Variants in WASF2 observed in about 807,000 individuals in gnomAD.
WASF2 encodes actin-binding protein WASF2.
Under a neutral mutation model 45.0 loss-of-function variants are expected in WASF2, and 14 were observed. The observed-to-expected ratio is 0.31, with a 90% confidence interval of 0.21 to 0.49. The LOEUF (loss-of-function observed/expected upper bound fraction) is 0.49. Ranked by LOEUF, WASF2 falls within the 20% of genes least tolerant of loss-of-function variation. WASF2 has a pLI of 0.99. For synonymous variants in WASF2, 200 were observed against 236.3 expected, an observed-to-expected ratio of 0.85 and a Z score of 1.41; for missense variants, 439 against 636.1, an observed-to-expected ratio of 0.69 and a Z score of 3.33.
At chr1:27,454,173 ATATATATATATATATTT>A (rs1557612330) in intron 1 of WASF2, among the ~76,000 whole-genome samples, 827 of 62,200 alleles carry the variant, frequency 0.013, 4 homozygotes, top group Middle Eastern at 0.038. Flanking sequence ...ATATATATAT[ATATATATATATATATTT>A]TTTTTTTTTT....
intron 2 of WASF2, among the ~76,000 whole-genome samples, chr1:27,424,211 T>G (rs1365264779): frequency 6.6e-6 from 1 of 152,186 alleles, no homozygotes; most frequent in African/African-American, 2.4e-5. Flanking sequence ...GCCAAGGTCA[T>G]GAGCCTGAAG....
chr1:27,429,028 C>G, intron 1 of WASF2, 95 bp from the exon 2 acceptor site: 1 of 1,093,042 alleles, frequency 9.1e-7, no homozygotes, highest in Admixed American at 2.9e-5. Context: ...TTGGTCTTAC[C>G]CTGATCTAAA....
intron 1 of WASF2, among the ~76,000 whole-genome samples, chr1:27,467,684 G>C (rs142708706): frequency 0.13 from 19,252 of 151,440 alleles, 1,487 homozygotes; most frequent in Middle Eastern, 0.18. Context: ...AGGCCGAGGT[G>C]GGCGGATCAC....
intron 1 of WASF2, among the ~76,000 whole-genome samples, chr1:27,487,759 T>C (rs2017965805): frequency 7.6e-6 from 1 of 131,468 alleles, no homozygotes; most frequent in Non-Finnish European, 1.5e-5. Flanking sequence ...ATATAATGTA[T>C]ATTATATATT....
intron 6 of WASF2, 23 bp from the exon 7 acceptor site, chr1:27,412,750 A>G (rs1452689496): frequency 6.2e-7 from 1 of 1,613,682 alleles, no homozygotes; most frequent in Admixed American, 1.7e-5. Context: ...CGAATGCCAA[A>G]AACTGTCATT....
chr1:27,454,181 ATATATATTTTT>A (rs1300319338), intron 1 of WASF2, among the ~76,000 whole-genome samples: 50 of 9,734 alleles, frequency 5.1e-3, no homozygotes, highest in African/African-American at 0.011. Flanking sequence ...ATATATATAT[ATATATATTTTT>A]TTTTTTTTTT....
intron 7 of WASF2, 104 bp downstream of exon 7, chr1:27,412,468 C>T: frequency 6.7e-7 from 1 of 1,499,770 alleles, no homozygotes; most frequent in South Asian, 1.2e-5. Context: ...ACCTTGGCCT[C>T]CCAAAGAGCT....
intron 1 of WASF2, among the ~76,000 whole-genome samples, chr1:27,456,239 G>A (rs188973231): frequency 0.021 from 3,188 of 151,114 alleles, 66 homozygotes; most frequent in Non-Finnish European, 0.037. Flanking sequence ...GGAGAATGGC[G>A]TGAACCCAGG....
chr1:27,488,379 G>A (rs576604140), intron 1 of WASF2, among the ~76,000 whole-genome samples: 12 of 152,266 alleles, frequency 7.9e-5, no homozygotes, highest in African/African-American at 2.6e-4. Context: ...TCAGAGGTGG[G>A]CTATTGAACC....
At chr1:27,408,600 G>A (rs2016712373) in intron 8 of WASF2, among the ~76,000 whole-genome samples, 1 of 152,202 alleles carries the variant, frequency 6.6e-6, no homozygotes, top group South Asian at 2.1e-4. Context: ...CTTCTCATAA[G>A]GCTTTGAAGT....
chr1:27,409,124 C>A (rs1441254199), intron 8 of WASF2, among the ~76,000 whole-genome samples: 1 of 152,004 alleles, frequency 6.6e-6, no homozygotes, highest in African/African-American at 2.4e-5. Context: ...AAGATCCCAG[C>A]TTAAGAATCC....
chr1:27,434,902 C>T (rs1471952958), intron 1 of WASF2, among the ~76,000 whole-genome samples: 3 of 152,148 alleles, frequency 2.0e-5, no homozygotes, highest in South Asian at 4.1e-4. Context: ...CTTTAAGGTC[C>T]CCTCAAACAG....
At chr1:27,431,396 AAGGTGGGAGG>A (rs2017061269) in intron 1 of WASF2, among the ~76,000 whole-genome samples, 2 of 152,170 alleles carry the variant, frequency 1.3e-5, no homozygotes, top group South Asian at 4.1e-4. Flanking sequence ...TAGAACAGGA[AAGGTGGGAGG>A]AGGTTACATA....
chr1:27,464,649 C>T (rs2017590788), intron 1 of WASF2, among the ~76,000 whole-genome samples: 2 of 152,160 alleles, frequency 1.3e-5, no homozygotes, highest in Non-Finnish European at 2.9e-5. Context: ...TGAGTGAGGT[C>T]CTGAGCTGAT....
intron 1 of WASF2, among the ~76,000 whole-genome samples, chr1:27,463,071 G>A (rs1322458783): frequency 6.6e-6 from 1 of 152,020 alleles, no homozygotes; most frequent in Admixed American, 6.6e-5. Flanking sequence ...CCGCCTGCCT[G>A]GACCTCCCAA....
chr1:27,442,830 G>A (rs866822898), intron 1 of WASF2, among the ~76,000 whole-genome samples: 8 of 151,496 alleles, frequency 5.3e-5, no homozygotes, highest in South Asian at 2.1e-4. Flanking sequence ...GTGAAACCCC[G>A]TCTCTACTAA....
chr1:27,487,589 T>TA (rs2017954978), intron 1 of WASF2, among the ~76,000 whole-genome samples: 1 of 96,642 alleles, frequency 1.0e-5, no homozygotes, highest in Non-Finnish European at 1.8e-5. Flanking sequence ...ATTATATATA[T>TA]TTTATATAAT....
At chr1:27,485,932 G>A (rs528276793) in intron 1 of WASF2, among the ~76,000 whole-genome samples, 25 of 152,200 alleles carry the variant, frequency 1.6e-4, no homozygotes, top group African/African-American at 5.1e-4. Flanking sequence ...GGCTGGTCTC[G>A]AACTCCTGAC....
At chr1:27,418,218 T>C (rs1398324112) in intron 4 of WASF2, 51 bp downstream of exon 4, 3 of 1,555,888 alleles carry the variant, frequency 1.9e-6, no homozygotes, top group Non-Finnish European at 2.6e-6. Context: ...AAAAAAAATC[T>C]AGCGTTATTA....
Sources: gnomAD v4.1 joint callset for allele counts (sites outside exome capture counted in the v4.1 genomes callset) on GRCh38, gnomAD v4.1.1 for gene constraint, MANE v1.5 for transcripts, NCBI Gene and HGNC (gene_info 2026-07-23, HGNC 2026-07-21) for gene names.